The following PRDM4 variants were observed in gnomAD, a reference collection of about 807,000 sequenced individuals.
The protein encoded by PRDM4 is PR/SET domain 4.
In PRDM4, 38 loss-of-function variants were observed where a neutral mutation model predicts 62.3. The observed-to-expected ratio is 0.61, with a 90% CI of 0.47 to 0.80. The LOEUF is 0.80. PRDM4 is among the 30% of genes least tolerant of loss of function. The pLI is 0.00. For synonymous variants in PRDM4, 339 were observed against 348.2 expected (o/e 0.97, Z 0.30); for missense variants, 858 against 997.1 (o/e 0.86, Z 1.88).
intron 7 of PRDM4, among the ~76,000 whole-genome samples, chr12:107,743,832 AGGCCAGGTGCGGTG>A (rs1890594964): frequency 6.6e-6 from 1 of 152,206 alleles, no homozygotes. Flanking sequence ...CTAGAAAAAT[AGGCCAGGTGCGGTG>A]GCTCACACCT....
chr12:107,739,234 G>T, intron 11 of PRDM4, 149 bp downstream of exon 11: 1 of 794,028 alleles, frequency 1.3e-6, no homozygotes. Flanking sequence ...CCTTGGCTTG[G>T]CTACATGGAA....
At position 107,743,260 on chromosome 12, in the gene PRDM4, T is replaced by A; in HGVS notation, c.1418A>T (p.Glu473Val). 6.2e-7 allele frequency: 1 copy of A among 1,613,018 alleles called. No homozygotes were observed. Among genetic ancestry groups the A allele is most frequent in the Admixed American group, 1.7e-5 (1 of 60,014 alleles). Residue 473 changes from glutamate to valine, a missense_variant, in exon 8 of 12, where the codon GAA becomes GTA. Around this residue, in one of 3 missense-constraint regions of PRDM4, gnomAD observed 355 missense variants for 432.6 expected, o/e 0.82. Coordinates refer to ENST00000228437, the MANE Select transcript of PRDM4 (RefSeq NM_012406.4). ...TTCATCAGTTGTAATGATGCAGAAT[T>A]CTAGGACACCATTGTGGTATATCTG... ...IWKIYHNGVL[E>V]FCIITTDENE...
chr12:107,736,192 G>A (rs1422323079), intron 11 of PRDM4, among the ~76,000 whole-genome samples: 2 of 152,202 alleles, frequency 1.3e-5, no homozygotes, highest in Non-Finnish European at 2.9e-5. Flanking sequence ...GGTAAACTAA[G>A]TCCCTGCTTT....
In PRDM4 at chr12:107,753,964, G is replaced by T. The variant is rs1369503226; in HGVS notation, c.291C>A (p.Tyr97Ter). 1 of 1,614,098 alleles carries T rather than the reference G, an allele frequency of 6.2e-7. No individual in the cohort carries two copies. Among genetic ancestry groups the T allele is most frequent in the Non-Finnish European group, 8.5e-7 (1 of 1,180,006 alleles). ...TGAAATAACTGCTCTCCAGGTGAGG[G>T]TAAGGTGGTGGAGGTAGGGTGTAGT... ...ERNYTLPPPPYPHLESSYFRT... is the reference protein window; with the variant it reads ...ERNYTLPPPP Residue 97 changes from tyrosine (Y) to a stop codon, truncating the protein, a stop_gained, in exon 4 of 12, where the codon TAC becomes TAA. Coordinates refer to ENST00000228437, the MANE Select transcript of PRDM4 (RefSeq NM_012406.4). LOFTEE classifies it high-confidence loss of function.
At chr12:107,757,451 G>A (rs1891098217) in intron 2 of PRDM4, among the ~76,000 whole-genome samples, 1 of 152,122 alleles carries the variant, frequency 6.6e-6, no homozygotes, top group Non-Finnish European at 1.5e-5. Context: ...GATGTGAAAA[G>A]CATCGTATTT....
chr12:107,740,071 T>C (rs954247893), intron 10 of PRDM4, among the ~76,000 whole-genome samples: 2 of 152,198 alleles, frequency 1.3e-5, no homozygotes, highest in Non-Finnish European at 2.9e-5. Context: ...GATAGAATTT[T>C]AGGCTTTGTG....
At chr12:107,743,611 T>C (rs1235601716) in intron 7 of PRDM4, among the ~76,000 whole-genome samples, 2 of 152,220 alleles carry the variant, frequency 1.3e-5, no homozygotes, top group Non-Finnish European at 2.9e-5. Flanking sequence ...AGGCACTGAA[T>C]GACTGAATGT....
Position 107,746,281 on chromosome 12 carries a change from C to T in PRDM4, c.1270G>A (p.Glu424Lys). Reference sequence around the variant, plus strand: ...ACAGTTCCAAGGTTCTTACCAACTTCTGCTCCCACAATTGACTGACGGAGA... The same window carrying T: ...ACAGTTCCAAGGTTCTTACCAACTTTTGCTCCCACAATTGACTGACGGAGA... The part of the protein sequence containing the change: ...LVLRQSIVGA[E>K]VGVWTGETIP... The change falls in exon 6 of 12, where the codon GAA becomes AAA. Residue 424 changes from glutamate (E) to lysine (K), a missense_variant. This residue lies in a region of PRDM4 where 499 missense variants were observed against 546.7 expected (regional missense o/e 0.91). Transcript: ENST00000228437. 3.1e-6 allele frequency: 5 copies of T among 1,614,026 alleles called. No homozygotes were observed. Among genetic ancestry groups the T allele is most frequent in the Non-Finnish European group, 4.2e-6 (5 of 1,179,972 alleles).
Position 107,744,051 on chromosome 12 carries a change from T to C in PRDM4, c.1395+492A>G, listed in dbSNP as rs1211409633. On this transcript the variant is annotated intron_variant, in intron 7 of 11. Transcript: ENST00000228437. ...GTCACCTGAGCCCAGGAGGTAGAGG[T>C]GGCAGTAAGCTAAGATTGTACCATT... Among the ~76,000 whole-genome samples, 4 of 151,118 alleles carry C rather than the reference T, an allele frequency of 2.6e-5. No homozygotes were observed. The East Asian group carries it at 7.8e-4, about 29-fold the overall frequency.
chr12:107,734,228 A>C lies in PRDM4; in HGVS notation c.2388T>G (p.Ser796=), dbSNP rs1197574307. 1 of 1,597,290 alleles carries C rather than the reference A, an allele frequency of 6.3e-7. No homozygotes were observed. The highest frequency in any genetic ancestry group is 8.5e-7 in the Non-Finnish European group (1 of 1,172,572). ...INSAVYSADE[S]LSAHK is the part of the protein sequence containing the mutation. ...TTTCCTTTTATTTATGTGCAGAAAG[A>C]GACTCATCCGCTGAATACACAGCAC... Residue 796 remains serine (S), a synonymous_variant, in exon 12 of 12, where the codon TCT becomes TCG. Coordinates refer to ENST00000228437, the MANE Select transcript of PRDM4 (RefSeq NM_012406.4).
At chr12:107,760,392 A>C in intron 2 of PRDM4, 113 bp downstream of exon 2, 1 of 1,371,530 alleles carries the variant, frequency 7.3e-7, no homozygotes, top group Non-Finnish European at 1.0e-6. Flanking sequence ...TCCTTTGCAA[A>C]TCACACCTGT....
Position 107,751,675 on chromosome 12 carries a change from A to G in PRDM4, c.866T>C (p.Ile289Thr), listed in dbSNP as rs1327809416. 6.2e-7 allele frequency: 1 copy of G among 1,614,154 alleles called. No individual in the cohort carries two copies. ...GTTGGTGCTCATGGCCACAGTGTGA[A>G]TGGAGTCACTGAGGGCACTGTCAGA... ...GMSDSALSDS[I>T]HTVAMSTNSV... Residue 289 changes from isoleucine (I) to threonine (T), a missense_variant, in exon 5 of 12, where the codon ATT (isoleucine) becomes ACT (threonine). This residue lies in a region of PRDM4 where 499 missense variants were observed against 546.7 expected (regional missense o/e 0.91). Coordinates refer to ENST00000228437, the MANE Select transcript of PRDM4 (RefSeq NM_012406.4).
At position 107,751,853 on chromosome 12, in the gene PRDM4, T is replaced by C; in HGVS notation, c.688A>G (p.Arg230Gly). The change falls in exon 5 of 12, where the codon AGA becomes GGA. Residue 230 changes from arginine to glycine, a missense_variant. Arg to Gly is a moderately radical substitution (Grantham distance 125, BLOSUM62 -2). Coordinates refer to ENST00000228437, the MANE Select transcript of PRDM4 (RefSeq NM_012406.4). ...TCCACAGACAGAGGTTCATGACTTC[T>C]GGAGCCATTTGGGATTTGGGAATGC... ...GEHSQIPNGS[R>G]SHEPLSVDSV... is the part of the protein sequence containing the mutation. 6.2e-7 allele frequency: 1 copy of C among 1,614,252 alleles called. No individual in the cohort carries two copies. The highest frequency in any genetic ancestry group is 2.2e-5 in the East Asian group (1 of 44,888).
chr12:107,734,090 T>C lies in PRDM4; in HGVS notation c.*120A>G, dbSNP rs991850219. The C allele has an allele frequency of 3.8e-6, 4 of 1,053,976 alleles. No homozygotes were observed. The highest frequency in any genetic ancestry group is 5.4e-6 in the Non-Finnish European group (4 of 736,484). The allele number at this position is 1,053,976 out of a possible 1,614,324, so 65.3% of individuals were successfully genotyped here. ...GTGCTTTATTCATTCCCAGTCTGTT[T>C]TGATTACTGGCTGAAAATAAATCAG... On this transcript the variant is annotated 3_prime_UTR_variant, in exon 12 of 12. Coordinates refer to ENST00000228437, the MANE Select transcript of PRDM4 (RefSeq NM_012406.4).
At position 107,751,779 on chromosome 12, in the gene PRDM4, C is replaced by T. The variant is rs773541665; in HGVS notation, c.762G>A (p.Val254=). Residue 254 remains valine (V), a synonymous_variant, in exon 5 of 12, where the codon GTG becomes GTA. Coordinates refer to ENST00000228437, the MANE Select transcript of PRDM4 (RefSeq NM_012406.4). ...LAADAVGHGG[V]IPMHGNGLEL... ...CCAGGCCATTCCCATGCATGGGTAT[C>T]ACACCACCATGTCCTACAGCGTCTG... 42 of 1,614,100 alleles carry T rather than the reference C, an allele frequency of 2.6e-5. No homozygotes were observed. Among genetic ancestry groups the T allele is most frequent in the Non-Finnish European group, 2.6e-5 (31 of 1,180,046 alleles).
At chr12:107,757,005 C>T (rs780943781) in intron 2 of PRDM4, 40 bp from the exon 3 acceptor site, 23 of 1,603,284 alleles carry the variant, frequency 1.4e-5, no homozygotes. Flanking sequence ...CAAAAATTTA[C>T]TCCAATGACT....
At chr12:107,758,759 C>T (rs1043998278) in intron 2 of PRDM4, among the ~76,000 whole-genome samples, 1 of 152,164 alleles carries the variant, frequency 6.6e-6, no homozygotes, top group Non-Finnish European at 1.5e-5. Flanking sequence ...ACCCTTATCC[C>T]TGGCCATGGA....
chr12:107,739,207 CAA>C lies in PRDM4; in HGVS notation c.2093+174_2093+175del, dbSNP rs1200932242. ...CAACTGAAATCTTCCAGGATAACAC[CAA>C]AAAAAGTGTTCCAACCTTGGCTTGG... On this transcript the variant is annotated intron_variant, in intron 11 of 11. Transcript: ENST00000228437. The C allele has an allele frequency of 5.2e-6, 3 of 572,270 alleles. 1 individual carries two copies. The highest frequency in any genetic ancestry group is 9.8e-4 in the Middle Eastern group (2 of 2,038). 35.4% of individuals were successfully genotyped at this position (572,270 alleles called of 1,614,324 possible). A position where few individuals can be genotyped will look rare whatever the true frequency, so the allele number is the denominator to read the frequency against.
At chr12:107,757,251 G>A (rs947690415) in intron 2 of PRDM4, among the ~76,000 whole-genome samples, 2 of 152,138 alleles carry the variant, frequency 1.3e-5, no homozygotes, top group Admixed American at 6.5e-5. Flanking sequence ...AGCAAAGTCT[G>A]CAATTCTTAG....
Sources: allele counts gnomAD v4.1 joint callset (sites outside exome capture counted in the v4.1 genomes callset), GRCh38; gene constraint gnomAD v4.1.1; regional missense constraint gnomAD v4.1.1; transcripts MANE v1.5; gene names NCBI Gene and HGNC (gene_info 2026-07-23, HGNC 2026-07-21).